The following FADS2 variants were observed in gnomAD, a reference collection of about 807,000 sequenced individuals.
FADS2 encodes acyl-CoA 6-desaturase.
Under a neutral mutation model 61.2 loss-of-function variants are expected in FADS2, and 18 were observed. That is an observed-to-expected ratio of 0.29 (90% confidence interval 0.20 to 0.44). The LOEUF (loss-of-function observed/expected upper bound fraction) is 0.44. Among genes scored for constraint, FADS2 ranks in the 20% least tolerant of loss-of-function variants. The pLI is 1.00. For missense variants in FADS2, 322 were observed against 572.7 expected, an observed-to-expected ratio of 0.56 and a Z score of 4.47; for synonymous variants, 203 against 223.9, an observed-to-expected ratio of 0.91 and a Z score of 0.83.
chr11:61,857,282 C>CT (rs2067368347), intron 6 of FADS2, among the ~76,000 whole-genome samples, 172 bp from the exon 7 acceptor site: 1 of 152,132 alleles, frequency 6.6e-6, no homozygotes, highest in Non-Finnish European at 1.5e-5. Context: ...CCAGGGGTGA[C>CT]ACACGTCCTC....
chr11:61,865,703 G>C lies in FADS2; in HGVS notation c.*14G>C, dbSNP rs201529572. On this transcript the variant is annotated 3_prime_UTR_variant, in exon 12 of 12. Transcript: ENST00000278840. The surrounding 1 kb of genome is among the most constrained non-coding windows in gnomAD (Gnocchi z 4.1). ...CTTCACAAATGAAGCCACAGCCCCC[G>C]GGACACCGTGGGGAAGGGGTGCAGG... 32 of 1,606,184 alleles carry C rather than the reference G, an allele frequency of 2.0e-5. No individual in the cohort carries two copies. In the South Asian group the frequency reaches 3.6e-4, roughly 18 times the overall value.
chr11:61,861,353 C>CAAAAAAAAAAAAAAAAAAAAAAAAAAAAA (rs58136105), intron 7 of FADS2, among the ~76,000 whole-genome samples: 33 of 29,674 alleles, frequency 1.1e-3, no homozygotes, highest in South Asian at 3.7e-3. Context: ...GACTCCCTCT[C>CAAAAAAAAAAAAAAAAAAAAAAAAAAAAA]AAAAAAAAAA....
intron 5 of FADS2, 186 bp from the exon 6 acceptor site, chr11:61,856,825 A>C (rs1300951175): frequency 1.6e-6 from 1 of 609,028 alleles, no homozygotes; most frequent in Non-Finnish European, 2.9e-6. Flanking sequence ...TGCTGGCTGT[A>C]GCATGGGGAG....
intron 7 of FADS2, among the ~76,000 whole-genome samples, chr11:61,860,012 A>G (rs174608): frequency 0.21 from 31,319 of 152,172 alleles, 4,048 homozygotes; most frequent in Middle Eastern, 0.33. Flanking sequence ...AAATCACCCT[A>G]TGTTCCTAAA....
chr11:61,837,945 G>A (rs1051638179), intron 2 of FADS2, 57 bp downstream of exon 2: 20 of 1,240,782 alleles, frequency 1.6e-5, no homozygotes, highest in Non-Finnish European at 2.0e-5. Context: ...GTGGCTGGGA[G>A]TCTGAGAGAG....
At position 61,858,226 on chromosome 11, in the gene FADS2, G is replaced by A. The variant is rs932590495; in HGVS notation, c.882+696G>A. 2.7e-5 allele frequency among the ~76,000 whole-genome samples: 4 copies of A among 146,392 alleles called. No homozygotes were observed. In the Admixed American group the frequency reaches 2.7e-4, roughly 10 times the overall value. The stretch of plus-strand genomic sequence containing the variant: ...TTATTGAGACAGAGTCACATAGGCT[G>A]GAGTGCAGTGGTGTGATCTCGACTC... On this transcript the variant is annotated intron_variant, in intron 7 of 11. Transcript: ENST00000278840.
chr11:61,857,937 G>A (rs993080092), intron 7 of FADS2, among the ~76,000 whole-genome samples: 16 of 152,204 alleles, frequency 1.1e-4, no homozygotes, highest in African/African-American at 2.7e-4. Flanking sequence ...GGTCGTTTGC[G>A]AAGACCGTAT....
chr11:61,835,880 TCTTCAA>T (rs965113243), intron 1 of FADS2, among the ~76,000 whole-genome samples: 2 of 152,166 alleles, frequency 1.3e-5, no homozygotes, highest in African/African-American at 4.8e-5. Flanking sequence ...ATCCCTAAGG[TCTTCAA>T]CATTTCCGGA....
At chr11:61,864,486 C>T (rs761856598) in intron 10 of FADS2, among the ~76,000 whole-genome samples, 1 of 152,098 alleles carries the variant, frequency 6.6e-6, no homozygotes, top group Non-Finnish European at 1.5e-5. Flanking sequence ...CTCCACCTAC[C>T]AGGTTCAAGC....
At chr11:61,834,393 A>G (rs1441596230) in intron 1 of FADS2, among the ~76,000 whole-genome samples, 1 of 152,212 alleles carries the variant, frequency 6.6e-6, no homozygotes, top group African/African-American at 2.4e-5. Flanking sequence ...GAGCTCCTGC[A>G]TCTTCACCTC....
At chr11:61,827,519 G>A (rs2067094239), upstream of FADS2, 1 of 152,294 alleles carries the variant, frequency 6.6e-6, no homozygotes, top group Admixed American at 6.5e-5. The surrounding 1 kb of genome is among the most constrained non-coding windows in gnomAD (Gnocchi z 4.5). Flanking sequence ...GGAGGTTGCA[G>A]AAAGGCGCCA....
At chr11:61,856,893 A>C (rs2067363736) in intron 5 of FADS2, 118 bp from the exon 6 acceptor site, 5 of 850,530 alleles carry the variant, frequency 5.9e-6, no homozygotes, top group Non-Finnish European at 1.0e-5. Flanking sequence ...TTGACAGGAA[A>C]GGGACAGTGG....
chr11:61,833,227 C>T lies in FADS2; in HGVS notation c.208-4551C>T, dbSNP rs181223480. Among the ~76,000 whole-genome samples, 853 of 152,344 alleles carry T rather than the reference C, an allele frequency of 5.6e-3. 7 individuals carry two copies. Among genetic ancestry groups the T allele is most frequent in the Non-Finnish European group, 8.3e-3 (568 of 68,034 alleles). On this transcript the variant is annotated intron_variant, in intron 1 of 11. Transcript: ENST00000278840. ...CTTTCTCTTCCCCATGTCCCGGGTC[C>T]TCTTCCTGGAAAGTCTCTGGCTTCT...
At chr11:61,852,576 T>C (rs1307841258) in intron 5 of FADS2, among the ~76,000 whole-genome samples, 1 of 152,228 alleles carries the variant, frequency 6.6e-6, no homozygotes, top group Non-Finnish European at 1.5e-5. Context: ...CTGTACTTCT[T>C]TATATGTCTC....
intron 3 of FADS2, 46 bp downstream of exon 3, chr11:61,840,577 G>A (rs2067210835): frequency 2.5e-6 from 4 of 1,613,122 alleles, no homozygotes; most frequent in African/African-American, 1.3e-5. Context: ...GAGGCCTGGT[G>A]CCTGTTTGCT....
chr11:61,840,227 A>G, intron 2 of FADS2, 107 bp from the exon 3 acceptor site: 1 of 940,126 alleles, frequency 1.1e-6, no homozygotes, highest in South Asian at 1.4e-5. Flanking sequence ...CCCTCTTGCC[A>G]CAGCTTCTCT....
chr11:61,858,183 T>C (rs866297720), intron 7 of FADS2, among the ~76,000 whole-genome samples: 4 of 152,166 alleles, frequency 2.6e-5, no homozygotes, highest in South Asian at 2.1e-4. Flanking sequence ...AAAAAAATTA[T>C]TTTGTTTATT....
rs1163681594 is a variant in FADS2 at position 61,816,370 on chromosome 11, G to T, written c.85G>T (p.Ala29Ser). The change falls in exon 1 of 12, where the codon GCC becomes TCC. Residue 29 changes from alanine to serine, a missense_variant. Coordinates refer to the FADS2 transcript ENST00000257261. This position sits in a 1 kb window ranked among gnomAD's most constrained non-coding sequence, Gnocchi z 7.0. Reference sequence around the variant, plus strand: ...CACTCCCCAGACTCCACTTCTCCAGGCCTCTCTCCCGCCTTTTCATCCCGC... The same window carrying T: ...CACTCCCCAGACTCCACTTCTCCAGTCCTCTCTCCCGCCTTTTCATCCCGC... 1 of 1,598,404 alleles carries T rather than the reference G, an allele frequency of 6.3e-7. No individual in the cohort carries two copies. Among genetic ancestry groups the T allele is most frequent in the East Asian group, 2.2e-5 (1 of 44,870 alleles).
rs189804435 is a variant in FADS2 at position 61,838,826 on chromosome 11, C to T, written c.318+938C>T. On this transcript the variant is annotated intron_variant, in intron 2 of 11. Transcript: ENST00000278840. Reference sequence around the variant, plus strand: ...TTCGCAAGTGGGTCCATCTCCCACTCTCACCTCCAGCACCTCCTGGCCTGC... The same window carrying T: ...TTCGCAAGTGGGTCCATCTCCCACTTTCACCTCCAGCACCTCCTGGCCTGC... Among the ~76,000 whole-genome samples, 5 of 152,168 alleles carry T rather than the reference C, an allele frequency of 3.3e-5. No individual in the cohort carries two copies. The East Asian group carries it at 9.7e-4, about 29-fold the overall frequency.
Sources: allele counts gnomAD v4.1 joint callset (sites outside exome capture counted in the v4.1 genomes callset), GRCh38; gene constraint gnomAD v4.1.1; non-coding constraint Gnocchi (gnomAD v3.1); transcripts MANE v1.5; gene names NCBI Gene and HGNC (gene_info 2026-07-23, HGNC 2026-07-21).